The following RPSA2 variants were observed in gnomAD, a reference collection of about 807,000 sequenced individuals.
RPSA2 encodes the protein small ribosomal subunit protein uS2B.
At chr19:23,758,910 G>A in the RPSA2 span, 3 of 918,424 alleles carry the variant, frequency 3.3e-6, no homozygotes, top group Non-Finnish European at 5.1e-6. Flanking sequence ...CGCCAATCCC[G>A]GAAGCCGCCC....
chr19:23,848,078 TAACAC>T, the RPSA2 span, among the ~76,000 whole-genome samples: 3 of 152,200 alleles, frequency 2.0e-5, no homozygotes, highest in African/African-American at 7.2e-5. Context: ...TTTGTACAGT[TAACAC>T]AATTATCACA....
At chr19:23,770,416 T>A in the RPSA2 span, among the ~76,000 whole-genome samples, 1 of 152,196 alleles carries the variant, frequency 6.6e-6, no homozygotes, top group African/African-American at 2.4e-5. Flanking sequence ...GGAAGTATTA[T>A]GACATGTCTC....
At chr19:23,772,789 A>C in the RPSA2 span, among the ~76,000 whole-genome samples, 1 of 152,228 alleles carries the variant, frequency 6.6e-6, no homozygotes, top group Non-Finnish European at 1.5e-5. Flanking sequence ...ATGAGCCTCC[A>C]GCCACAGTTG....
At chr19:23,802,763 A>G in the RPSA2 span, among the ~76,000 whole-genome samples, 1 of 152,212 alleles carries the variant, frequency 6.6e-6, no homozygotes, top group Non-Finnish European at 1.5e-5. Flanking sequence ...CCTACCATGC[A>G]AGAACTTTTA....
chr19:23,828,936 G>GACACAC, the RPSA2 span, among the ~76,000 whole-genome samples: 11,780 of 148,274 alleles, frequency 0.079, 448 homozygotes, highest in East Asian at 0.16. Flanking sequence ...CCTAATGTGA[G>GACACAC]ACACACACAC....
chr19:23,853,225 T>G, the RPSA2 span, among the ~76,000 whole-genome samples: 1 of 152,238 alleles, frequency 6.6e-6, no homozygotes, highest in Non-Finnish European at 1.5e-5. Context: ...AAACAGTCTT[T>G]AAGATCAATA....
At chr19:23,767,269 G>A in the RPSA2 span, among the ~76,000 whole-genome samples, 3 of 151,948 alleles carry the variant, frequency 2.0e-5, no homozygotes, top group African/African-American at 7.3e-5. Context: ...AGTACATACG[G>A]GGTTTCATTA....
chr19:23,795,161 CTT>C, the RPSA2 span, among the ~76,000 whole-genome samples: 3 of 142,726 alleles, frequency 2.1e-5, no homozygotes, highest in South Asian at 2.3e-4. Flanking sequence ...TATTCGGACT[CTT>C]TTGGTTTTAT....
the RPSA2 span, among the ~76,000 whole-genome samples, chr19:23,779,767 G>A: frequency 6.6e-6 from 1 of 152,190 alleles, no homozygotes; most frequent in East Asian, 1.9e-4. Flanking sequence ...TAAAAGATGT[G>A]ATGCCTTTTC....
chr19:23,807,774 A>T, the RPSA2 span: 2 of 326,114 alleles, frequency 6.1e-6, no homozygotes, highest in Non-Finnish European at 1.2e-5. Context: ...TCAAATGGAA[A>T]ATTCTGCCAA....
At chr19:23,858,261 AGGGTGGG>A in the RPSA2 span, among the ~76,000 whole-genome samples, 1 of 115,660 alleles carries the variant, frequency 8.6e-6, no homozygotes, top group Non-Finnish European at 1.7e-5. Flanking sequence ...GAAGGTAGGT[AGGGTGGG>A]GGGTGGGTGA....
the RPSA2 span, among the ~76,000 whole-genome samples, chr19:23,762,646 A>T: frequency 6.9e-6 from 1 of 144,364 alleles, no homozygotes; most frequent in African/African-American, 2.6e-5. Context: ...ACTGCACTTG[A>T]GCCAGGGCAA....
At chr19:23,781,568 ACCT>A in the RPSA2 span, among the ~76,000 whole-genome samples, 2 of 150,562 alleles carry the variant, frequency 1.3e-5, no homozygotes, top group African/African-American at 4.9e-5. Context: ...CGAACTCCTG[ACCT>A]CAAGTGATCT....
chr19:23,867,061 G>A, the RPSA2 span, among the ~76,000 whole-genome samples: 1 of 152,044 alleles, frequency 6.6e-6, no homozygotes, highest in Non-Finnish European at 1.5e-5. Flanking sequence ...GGAGAAATGA[G>A]GAAATAAAGG....
the RPSA2 span, among the ~76,000 whole-genome samples, chr19:23,869,247 C>A: frequency 1.3e-5 from 2 of 152,170 alleles, no homozygotes; most frequent in Non-Finnish European, 2.9e-5. Context: ...ATTATACTAC[C>A]CCACTGGAAG....
the RPSA2 span, among the ~76,000 whole-genome samples, chr19:23,792,571 G>GT: frequency 6.0e-5 from 6 of 99,434 alleles, no homozygotes; most frequent in Non-Finnish European, 9.8e-5. Flanking sequence ...TAGCAACTAA[G>GT]TTTTTTTGTT....
At chr19:23,773,958 A>C in the RPSA2 span, among the ~76,000 whole-genome samples, 36 of 150,406 alleles carry the variant, frequency 2.4e-4, no homozygotes, top group African/African-American at 8.6e-4. Flanking sequence ...ACCTTCCTGC[A>C]GGTTTAATTG....
At chr19:23,761,383 A>G in the RPSA2 span, among the ~76,000 whole-genome samples, 1 of 152,140 alleles carries the variant, frequency 6.6e-6, no homozygotes, top group African/African-American at 2.4e-5. Context: ...CCCAGCCAAC[A>G]ATATTTTTTA....
chr19:23,813,898 T>C, the RPSA2 span, among the ~76,000 whole-genome samples: 39 of 151,888 alleles, frequency 2.6e-4, no homozygotes, highest in Non-Finnish European at 5.0e-4. Context: ...AATTTTTGTA[T>C]TTTTAGTAGA....
Sources: allele counts gnomAD v4.1 joint callset (sites outside exome capture counted in the v4.1 genomes callset), GRCh38; gene constraint gnomAD v4.1.1; transcripts MANE v1.5; gene names NCBI Gene and HGNC (gene_info 2026-07-23, HGNC 2026-07-21).